The following L1CAM variants were observed in gnomAD, a reference collection of about 807,000 sequenced individuals.
L1CAM encodes neural cell adhesion molecule L1.
Under a neutral mutation model 93.0 loss-of-function variants are expected in L1CAM, and 8 were observed. That is an observed-to-expected ratio of 0.09 (90% CI 0.05 to 0.16). The LOEUF is 0.16. Ranked by LOEUF, L1CAM falls within the 10% of genes least tolerant of loss-of-function variation. The probability of loss-of-function intolerance (pLI) is 1.00; values close to 1 mark genes in which losing one functional copy is unlikely to be tolerated. For synonymous variants in L1CAM, 453 were observed against 453.0 expected (o/e 1.00, Z 0.00); for missense variants, 777 against 1,073.4 (o/e 0.72, Z 3.86).
intron 2 of L1CAM, among the ~76,000 whole-genome samples, chrX:153,874,332 C>T (rs2148501608): frequency 8.8e-6 from 1 of 113,283 alleles, no homozygotes; most frequent in East Asian, 2.8e-4. Flanking sequence ...GCACGGCTTG[C>T]ATTCCACTGT....
In L1CAM at chrX:153,868,741, G is replaced by A; in HGVS notation, c.1380-14C>T. 8.3e-7 allele frequency: 1 copy of A among 1,211,337 alleles called. No homozygotes were observed. Among genetic ancestry groups the A allele is most frequent in the Non-Finnish European group, 1.1e-6 (1 of 895,277 alleles). On this transcript the variant is annotated splice_polypyrimidine_tract_variant and intron_variant, in intron 12 of 28. Transcript: ENST00000370060. The stretch of plus-strand genomic sequence containing the variant: ...TCCTCGTCCAGCCTGGAGGGAGCAG[G>A]GCGGGCCTGGCTCTGACTGGCTGGC...
At chrX:153,869,259 C>T (rs1028870054) in intron 11 of L1CAM, 8 of 454,091 alleles carry the variant, frequency 1.8e-5, no homozygotes, top group Non-Finnish European at 2.3e-5. Flanking sequence ...AGGAGAGGTG[C>T]CACCTGGGCT....
chrX:153,870,618 G>A (rs2064760373), intron 7 of L1CAM, 119 bp from the exon 8 acceptor site: 3 of 776,026 alleles, frequency 3.9e-6, no homozygotes, highest in African/African-American at 2.0e-5. Context: ...CTCCATTAAG[G>A]AGAGTGTCCT....
intron 5 of L1CAM, among the ~76,000 whole-genome samples, chrX:153,871,488 G>A (rs1379347494): frequency 9.1e-6 from 1 of 109,799 alleles, no homozygotes; most frequent in Non-Finnish European, 1.9e-5. Context: ...GGCTGAGGCT[G>A]AGGTGCAGTG....
In L1CAM at chrX:153,870,487, A is replaced by G. The variant is rs1295843554; in HGVS notation, c.707T>C (p.Ile236Thr). ...DLRVKATNSM[I>T]DRKPRLLFPT... is the part of the protein sequence containing the mutation. ...GAAGAGCAGGCGCGGCTTCCTGTCA[A>G]TCATGCTGTTGGCTGCCAGGAGAAA... is the stretch of plus-strand genomic sequence containing the variant. The change falls in exon 8 of 29, where the codon ATT becomes ACT. Residue 236 changes from isoleucine to threonine, a missense_variant. Coordinates refer to ENST00000370060, the MANE Select transcript of L1CAM (RefSeq NM_001278116.2). 17 of 1,208,469 alleles carry G rather than the reference A, an allele frequency of 1.4e-5. No individual in the cohort carries two copies. Among genetic ancestry groups the G allele is most frequent in the East Asian group, 3.0e-5 (1 of 33,767 alleles).
chrX:153,881,995 A>T, intron 1 of L1CAM, among the ~76,000 whole-genome samples: 1 of 111,839 alleles, frequency 8.9e-6, no homozygotes, highest in South Asian at 3.7e-4. Flanking sequence ...CTGTGGCCTG[A>T]AAAGGAGAGC....
chrX:153,881,237 A>G (rs2064843352), intron 1 of L1CAM, among the ~76,000 whole-genome samples: 1 of 112,273 alleles, frequency 8.9e-6, no homozygotes, highest in South Asian at 3.7e-4. Flanking sequence ...AGATGAGGAC[A>G]CGGAGGCTCA....
chrX:153,884,097 T>C (rs1187024524), intron 1 of L1CAM: 2 of 650,561 alleles, frequency 3.1e-6, no homozygotes, highest in Non-Finnish European at 2.2e-6. Context: ...CCCTTTTCCC[T>C]TCAGATAATC....
At chrX:153,879,425 G>T (rs1446480864) in intron 1 of L1CAM, among the ~76,000 whole-genome samples, 1 of 102,375 alleles carries the variant, frequency 9.8e-6, no homozygotes. Context: ...AGGGGTGGGG[G>T]TGGGCGTGTG....
intron 1 of L1CAM, chrX:153,885,852 C>T (rs1447632312): frequency 7.4e-6 from 6 of 810,138 alleles, no homozygotes; most frequent in Non-Finnish European, 9.2e-6. Flanking sequence ...CTGTCGGGCT[C>T]GGGCACCCGG....
rs782371990 is a variant in L1CAM at position 153,872,725 on chromosome X, T to G, written c.92-28A>C. ...GAAGACAGGGTGGAGAGAGCGGTGG[T>G]GAGGGTGCTGCCTGGCTGGTGTCAT... On this transcript the variant is annotated intron_variant, in intron 3 of 28. Coordinates refer to ENST00000370060, the MANE Select transcript of L1CAM (RefSeq NM_001278116.2). The G allele has an allele frequency of 3.3e-5, 37 of 1,108,623 alleles. 1 individual carries two copies. The South Asian group carries it at 6.6e-4, about 20-fold the overall frequency. The allele number at this position is 1,108,623 out of a possible 1,213,427, so 91.4% of individuals were successfully genotyped here.
chrX:153,881,253 C>CTG lies in L1CAM; in HGVS notation c.-109+4810_-109+4811dup, dbSNP rs1557095656. On this transcript the variant is annotated intron_variant, in intron 1 of 28. Transcript: ENST00000370060. ...GATGAGGACACGGAGGCTCAGAAAA[C>CTG]TGGAAACTGTGTCCAAGATCACAGA... Among the ~76,000 whole-genome samples the CTG allele has an allele frequency of 6.2e-5, 7 of 112,214 alleles. No homozygotes were observed. In the East Asian group the frequency reaches 1.7e-3, roughly 27 times the overall value.
At chrX:153,864,106 C>T in intron 25 of L1CAM, 89 bp from the exon 26 acceptor site, 1 of 1,159,367 alleles carries the variant, frequency 8.6e-7, no homozygotes, top group East Asian at 3.0e-5. Context: ...TTGGGGCCCT[C>T]TGGGGGGCTA....
Position 153,868,593 on chromosome X carries a change from T to C in L1CAM, c.1514A>G (p.Asn505Ser). The change falls in exon 13 of 29, where the codon AAT becomes AGT. Residue 505 changes from asparagine (N) to serine (S), a missense_variant. By Grantham distance (46) the Asn-to-Ser change is conservative. Transcript: ENST00000370060. Reference sequence around the variant, plus strand: ...CTTCAGGTTAGCCATGATGGTAACATTGTTTTGGTCATTGGCAGCCAGGCA... The same window carrying C: ...CTTCAGGTTAGCCATGATGGTAACACTGTTTTGGTCATTGGCAGCCAGGCA... ...YFCLAANDQN[N>S]VTIMANLKVK... is the part of the protein sequence containing the mutation. 1 of 1,211,958 alleles carries C rather than the reference T, an allele frequency of 8.3e-7. No individual in the cohort carries two copies. Among genetic ancestry groups the C allele is most frequent in the Non-Finnish European group, 1.1e-6 (1 of 895,489 alleles).
In L1CAM at chrX:153,862,674, C is replaced by T. The variant is rs372990965; in HGVS notation, c.3763G>A (p.Ala1255Thr). The change falls in exon 29 of 29, where the codon GCC (alanine) becomes ACC (threonine). Residue 1255 changes from alanine (A) to threonine (T), a missense_variant. Transcript: ENST00000370060. ...TGTCCTGGACTCCACTATTCTAGGG[C>T]CACGGCAGGGTTGATGGGGGAAGTG... is the stretch of plus-strand genomic sequence containing the variant. ...GATSPINPAV[A>T]LE 87 of 1,207,751 alleles carry T rather than the reference C, an allele frequency of 7.2e-5. No homozygotes were observed. The South Asian group carries it at 1.3e-3, about 19-fold the overall frequency.
chrX:153,862,470 T>C lies in L1CAM; in HGVS notation c.*193A>G, dbSNP rs1557089129. 7.3e-6 allele frequency: 3 copies of C among 409,805 alleles called. No individual in the cohort carries two copies. Among genetic ancestry groups the C allele is most frequent in the Non-Finnish European group, 8.4e-6 (2 of 236,799 alleles). 33.8% of individuals were successfully genotyped at this position (409,805 alleles called of 1,213,427 possible). A position where few individuals can be genotyped will look rare whatever the true frequency, so the allele number is the denominator to read the frequency against. On this transcript the variant is annotated 3_prime_UTR_variant, in exon 29 of 29. Coordinates refer to ENST00000370060, the MANE Select transcript of L1CAM (RefSeq NM_001278116.2). ...TGGCATGTGGGAGATCTGCCCAAGC[T>C]GGGGCAGAGCAGCGTGTGCCCAGGA... is the stretch of plus-strand genomic sequence containing the variant.
intron 19 of L1CAM, 68 bp downstream of exon 19, chrX:153,866,581 T>C: frequency 3.9e-6 from 3 of 777,411 alleles, no homozygotes; most frequent in Non-Finnish European, 5.9e-6. Flanking sequence ...TGCTGAGAGG[T>C]GTGGACATGG....
At chrX:153,871,700 T>C (rs1271921388) in intron 5 of L1CAM, among the ~76,000 whole-genome samples, 1 of 110,712 alleles carries the variant, frequency 9.0e-6, no homozygotes, top group Admixed American at 9.5e-5. Flanking sequence ...GACAGAGCCG[T>C]GGAGCAAGAG....
rs188672129 is a variant in L1CAM, at chrX:153,880,177, T to C, written c.-108-4233A>G. On this transcript the variant is annotated intron_variant, in intron 1 of 28. Transcript: ENST00000370060. ...TGCTTTGGTCTGATGGGAAGCAGCT[T>C]GCCAGGGAGGGACCTGGGAGGTTGT... is the stretch of plus-strand genomic sequence containing the variant. 5.1e-5 allele frequency: 6 copies of C among 117,307 alleles called. No individual in the cohort carries two copies. The Admixed American group carries it at 5.2e-4, about 10-fold the overall frequency. 9.7% of individuals were successfully genotyped at this position (117,307 alleles called of 1,213,427 possible).
Sources: allele counts gnomAD v4.1 joint callset (sites outside exome capture counted in the v4.1 genomes callset), GRCh38; gene constraint gnomAD v4.1.1; transcripts MANE v1.5; gene names NCBI Gene and HGNC (gene_info 2026-07-23, HGNC 2026-07-21).